Variants in ACSM3 observed in about 807,000 individuals in gnomAD.
The protein encoded by ACSM3 is acyl-coenzyme A synthetase ACSM3, mitochondrial.
Under a neutral mutation model 74.1 loss-of-function variants are expected in ACSM3, and 61 were observed. That is an observed-to-expected ratio of 0.82 (90% CI 0.67 to 1.02). The LOEUF (loss-of-function observed/expected upper bound fraction) is 1.02, where lower values mean the gene tolerates loss of function less well. Among genes scored for constraint, ACSM3 ranks in the 50% least tolerant of loss-of-function variants. ACSM3 has a pLI of 0.00. For missense variants in ACSM3, 660 were observed against 697.0 expected (o/e 0.95, Z 0.60); for synonymous variants, 213 against 241.5 (o/e 0.88, Z 1.09).
intron 1 of ACSM3, among the ~76,000 whole-genome samples, chr16:20,725,026 A>G (rs879493166): frequency 4.6e-5 from 7 of 152,202 alleles, no homozygotes; most frequent in Non-Finnish European, 8.8e-5. Flanking sequence ...AATTGGAAAA[A>G]ACAACTTTAA....
intron 1 of ACSM3, 82 bp from the exon 2 acceptor site, chr16:20,769,902 C>T (rs2080170292): frequency 1.4e-6 from 1 of 735,544 alleles, no homozygotes; most frequent in African/African-American, 1.8e-5. Flanking sequence ...ATTATCAATA[C>T]TAATAACAAA....
intron 2 of ACSM3, among the ~76,000 whole-genome samples, chr16:20,773,800 G>A (rs893889212): frequency 2.6e-5 from 4 of 152,178 alleles, no homozygotes; most frequent in African/African-American, 9.7e-5. Context: ...TGGAGAATGT[G>A]CCATGTGCTG....
chr16:20,744,636 C>T (rs911003555), intron 1 of ACSM3, among the ~76,000 whole-genome samples: 3 of 152,170 alleles, frequency 2.0e-5, no homozygotes, highest in Non-Finnish European at 2.9e-5. Context: ...CTGCCCACTT[C>T]GCCTCCCAAA....
chr16:20,726,017 G>A (rs2079804445), intron 1 of ACSM3, among the ~76,000 whole-genome samples: 1 of 151,782 alleles, frequency 6.6e-6, no homozygotes, highest in Non-Finnish European at 1.5e-5. Flanking sequence ...TCTCCTGGGG[G>A]GCAAAATTGT....
At chr16:20,737,414 C>T in intron 1 of ACSM3, 1 of 958,340 alleles carries the variant, frequency 1.0e-6, no homozygotes, top group Non-Finnish European at 1.5e-6. Context: ...ATGTGGACTT[C>T]AAATAATCTG....
rs1024177553 is a variant in ACSM3, at chr16:20,797,082, C to T, written c.*110C>T. The T allele has an allele frequency of 2.1e-6, 3 of 1,434,530 alleles. No individual in the cohort carries two copies. Among genetic ancestry groups the T allele is most frequent in the Non-Finnish European group, 1.8e-6 (2 of 1,098,034 alleles). 88.9% of individuals were successfully genotyped at this position (1,434,530 alleles called of 1,614,324 possible). A position where few individuals can be genotyped will look rare whatever the true frequency, so the allele number is the denominator to read the frequency against. ...AAAACTGTGGTAGTATGCTTAGAAA[C>T]TGTTGATTTAAAATATCTTGTGGTT... On this transcript the variant is annotated 3_prime_UTR_variant, in exon 14 of 14. Coordinates refer to ENST00000289416, the MANE Select transcript of ACSM3 (RefSeq NM_005622.4).
intron 1 of ACSM3, chr16:20,703,306 G>C (rs1032953930): frequency 6.6e-6 from 1 of 152,054 alleles, no homozygotes; most frequent in Non-Finnish European, 1.5e-5. Context: ...GCTCTTTTTT[G>C]TTCCATATGA....
chr16:20,797,338 G>T lies in ACSM3; in HGVS notation c.*366G>T. ...TATACAAATCAGAACCAATGTTCAA[G>T]CCTGAAATAAAACTAAAGAACTTAT... On this transcript the variant is annotated 3_prime_UTR_variant, in exon 14 of 14. Transcript: ENST00000289416. 1 of 1,005,866 alleles carries T rather than the reference G, an allele frequency of 9.9e-7. No homozygotes were observed. Among genetic ancestry groups the T allele is most frequent in the East Asian group, 9.7e-5 (1 of 10,330 alleles). 62.3% of individuals were successfully genotyped at this position (1,005,866 alleles called of 1,614,324 possible).
At chr16:20,778,709 A>C (rs1181267062) in intron 4 of ACSM3, among the ~76,000 whole-genome samples, 1 of 152,024 alleles carries the variant, frequency 6.6e-6, no homozygotes, top group Non-Finnish European at 1.5e-5. Flanking sequence ...TCAGGTTTTG[A>C]GGGCAACCGT....
At position 20,781,704 on chromosome 16, in the gene ACSM3, GCAGA is replaced by G; in HGVS notation, c.940-1_942del. 6.2e-7 allele frequency: 1 copy of G among 1,609,496 alleles called. No homozygotes were observed. Among genetic ancestry groups the G allele is most frequent in the Middle Eastern group, 1.7e-4 (1 of 6,048 alleles). On this transcript the variant is annotated splice_acceptor_variant and splice_polypyrimidine_tract_variant and coding_sequence_variant and intron_variant, in exon 7 of 14. Coordinates refer to ENST00000289416, the MANE Select transcript of ACSM3 (RefSeq NM_005622.4). LOFTEE classifies it high-confidence loss of function. ...ACCAAGAGTTTGCTTTTTCTAAATTGCAGACACTCTCCAAGTACCCCATCACAGT... is the reference window on the plus strand; with the variant it reads ...ACCAAGAGTTTGCTTTTTCTAAATTGCACTCTCCAAGTACCCCATCACAGT...
Position 20,770,005 on chromosome 16 carries a change from T to C in ACSM3, c.-30T>C. On this transcript the variant is annotated 5_prime_UTR_variant, in exon 2 of 14. Transcript: ENST00000289416. Reference sequence around the variant, plus strand: ...TTAGATGAACTGGTCTCTGTGCAAATCCTGAGTGCTAAAGCTTCCAACAAG... The same window carrying C: ...TTAGATGAACTGGTCTCTGTGCAAACCCTGAGTGCTAAAGCTTCCAACAAG... 1 of 1,608,762 alleles carries C rather than the reference T, an allele frequency of 6.2e-7. No individual in the cohort carries two copies. The highest frequency in any genetic ancestry group is 8.5e-7 in the Non-Finnish European group (1 of 1,175,202).
At chr16:20,677,049 A>G (rs79254862) in intron 1 of ACSM3, among the ~76,000 whole-genome samples, 1 of 151,350 alleles carries the variant, frequency 6.6e-6, no homozygotes, top group Non-Finnish European at 1.5e-5. Context: ...AACAAAAGCA[A>G]TCTGTTTGTG....
chr16:20,735,107 C>G (rs1433221799), intron 1 of ACSM3: 1 of 152,136 alleles, frequency 6.6e-6, no homozygotes, highest in South Asian at 2.1e-4. Context: ...AGAGTCTTGT[C>G]GCTTTAAGAA....
chr16:20,717,678 A>G (rs1293472499), intron 1 of ACSM3, among the ~76,000 whole-genome samples: 10 of 152,168 alleles, frequency 6.6e-5, no homozygotes, highest in Admixed American at 6.6e-4. Context: ...GCTGATTTTT[A>G]AAAACTCGTA....
At chr16:20,769,064 C>T (rs71374832) in intron 1 of ACSM3, among the ~76,000 whole-genome samples, 20,008 of 152,168 alleles carry the variant, frequency 0.13, 1,379 homozygotes, top group East Asian at 0.21. Context: ...GGCAATGTAT[C>T]AATACAGAAA....
At chr16:20,778,912 A>T (rs1469554813) in intron 4 of ACSM3, among the ~76,000 whole-genome samples, 1 of 152,032 alleles carries the variant, frequency 6.6e-6, no homozygotes, top group East Asian at 1.9e-4. Context: ...CACTATGCCC[A>T]CCTAATCTTT....
chr16:20,705,836 C>G (rs541414534), intron 1 of ACSM3, among the ~76,000 whole-genome samples: 30 of 152,138 alleles, frequency 2.0e-4, no homozygotes, highest in Admixed American at 5.9e-4. Context: ...TCATTATGCT[C>G]AAGGACTAAA....
intron 12 of ACSM3, among the ~76,000 whole-genome samples, chr16:20,795,119 G>GAC (rs1009644010): frequency 5.3e-5 from 8 of 151,838 alleles, no homozygotes; most frequent in Admixed American, 2.0e-4. Context: ...TATATCCATA[G>GAC]ACACACACAC....
At chr16:20,748,117 G>A (rs189700334) in intron 1 of ACSM3, among the ~76,000 whole-genome samples, 87 of 151,600 alleles carry the variant, frequency 5.7e-4, no homozygotes, top group Admixed American at 1.6e-3. Flanking sequence ...AGCCTGGGGG[G>A]ACAAAATGAG....
Sources: gnomAD v4.1 joint callset for allele counts (sites outside exome capture counted in the v4.1 genomes callset) on GRCh38, gnomAD v4.1.1 for gene constraint, MANE v1.5 for transcripts, NCBI Gene and HGNC (gene_info 2026-07-23, HGNC 2026-07-21) for gene names.